Variants in TMTC1 observed in about 807,000 individuals in gnomAD.
TMTC1 encodes the protein transmembrane O-mannosyltransferase targeting cadherins 1.
Under a neutral mutation model 104.8 loss-of-function variants are expected in TMTC1, and 73 were observed. The ratio of observed to expected loss-of-function variants is 0.70; its 90% CI spans 0.58 to 0.85. TMTC1 has a LOEUF of 0.85. Ranked by LOEUF, TMTC1 falls within the 40% of genes least tolerant of loss-of-function variation. The pLI is 0.00. For missense variants in TMTC1, 1,035 were observed against 1,096.1 expected (o/e 0.94, Z 0.79); for synonymous variants, 434 against 428.7 (o/e 1.01, Z -0.15).
intron 8 of TMTC1, among the ~76,000 whole-genome samples, chr12:29,573,489 A>G (rs1158547415): frequency 6.6e-6 from 1 of 152,162 alleles, no homozygotes; most frequent in East Asian, 1.9e-4. Flanking sequence ...CCCAGCCCTC[A>G]GGGAGTTTAT....
chr12:29,677,511 C>T (rs1940770883), intron 5 of TMTC1, among the ~76,000 whole-genome samples: 1 of 152,216 alleles, frequency 6.6e-6, no homozygotes, highest in Non-Finnish European at 1.5e-5. Flanking sequence ...ACTATTCCAT[C>T]GTTATACCGC....
At chr12:29,562,101 C>A (rs148897) in intron 9 of TMTC1, among the ~76,000 whole-genome samples, 122,852 of 152,198 alleles carry the variant, frequency 0.81, 51,203 homozygotes, top group East Asian at 0.93. Context: ...AATTTAAGTC[C>A]TCATGTGACT....
chr12:29,560,914 A>C (rs1945361281), intron 9 of TMTC1, among the ~76,000 whole-genome samples: 1 of 152,178 alleles, frequency 6.6e-6, no homozygotes, highest in Non-Finnish European at 1.5e-5. Context: ...AAAGAAAATG[A>C]GTTCCAGAGG....
chr12:29,545,254 G>T (rs1466698894), intron 10 of TMTC1, among the ~76,000 whole-genome samples: 1 of 151,954 alleles, frequency 6.6e-6, no homozygotes, highest in Admixed American at 6.6e-5. Flanking sequence ...TTACTTCTCA[G>T]TTAAAAGACC....
intron 9 of TMTC1, among the ~76,000 whole-genome samples, chr12:29,562,642 T>C (rs947483240): frequency 6.6e-6 from 1 of 152,190 alleles, no homozygotes; most frequent in African/African-American, 2.4e-5. Flanking sequence ...TCAGAAGCCA[T>C]GAGAGGCATT....
At chr12:29,599,198 T>C (rs1946488600) in intron 7 of TMTC1, among the ~76,000 whole-genome samples, 1 of 152,128 alleles carries the variant, frequency 6.6e-6, no homozygotes, top group Non-Finnish European at 1.5e-5. Flanking sequence ...GTGGTTTTTA[T>C]AAAACACAAA....
chr12:29,700,134 A>C (rs1468055282), intron 5 of TMTC1, among the ~76,000 whole-genome samples: 2 of 151,812 alleles, frequency 1.3e-5, no homozygotes. Context: ...CTGCAACCTT[A>C]AACTCCTGCA....
rs555497240 is a variant in TMTC1, at chr12:29,678,431, T to C, written c.939-45095A>G. On this transcript the variant is annotated intron_variant, in intron 5 of 17. Transcript: ENST00000539277. ...AGGTCTGGCCCCTAAAATCTTCCCA[T>C]AACATTTAAACACCCAAACATTCTC... Among the ~76,000 whole-genome samples the C allele has an allele frequency of 3.9e-5, 6 of 152,228 alleles. No homozygotes were observed. The South Asian group carries it at 1.2e-3, about 32-fold the overall frequency.
chr12:29,528,126 A>G (rs1944400504), intron 11 of TMTC1, among the ~76,000 whole-genome samples: 1 of 152,190 alleles, frequency 6.6e-6, no homozygotes, highest in South Asian at 2.1e-4. Flanking sequence ...CTGGAAGGGT[A>G]ATGCATTTAT....
At chr12:29,556,597 C>T (rs1457497835) in intron 10 of TMTC1, among the ~76,000 whole-genome samples, 1 of 152,228 alleles carries the variant, frequency 6.6e-6, no homozygotes, top group Non-Finnish European at 1.5e-5. Flanking sequence ...CCATGTAACA[C>T]TTTTCCATTC....
At chr12:29,552,948 G>A (rs1945144552) in intron 10 of TMTC1, among the ~76,000 whole-genome samples, 1 of 152,170 alleles carries the variant, frequency 6.6e-6, no homozygotes, top group Admixed American at 6.5e-5. Context: ...GCTCAGAAAT[G>A]TATTAAGGTA....
chr12:29,556,710 A>G (rs1211550068), intron 10 of TMTC1, 147 bp downstream of exon 10: 3 of 829,652 alleles, frequency 3.6e-6, no homozygotes, highest in Non-Finnish European at 3.6e-6. Context: ...AGAAATTGAG[A>G]TGCATGTTAC....
At chr12:29,729,375 A>C (rs1192479136) in intron 5 of TMTC1, among the ~76,000 whole-genome samples, 3 of 151,948 alleles carry the variant, frequency 2.0e-5, no homozygotes, top group Non-Finnish European at 4.4e-5. Context: ...TCTCATCAGA[A>C]GGCCAGCCGT....
intron 6 of TMTC1, among the ~76,000 whole-genome samples, chr12:29,631,236 G>T (rs1565723095): frequency 6.6e-6 from 1 of 151,876 alleles, no homozygotes; most frequent in Non-Finnish European, 1.5e-5. Flanking sequence ...ATCTTTTGAT[G>T]AAAAAAATAT....
At chr12:29,591,667 G>A in intron 7 of TMTC1, among the ~76,000 whole-genome samples, 1 of 152,142 alleles carries the variant, frequency 6.6e-6, no homozygotes, top group East Asian at 1.9e-4. Flanking sequence ...TTTTGATTTT[G>A]CTGACACACT....
chr12:29,762,883 A>G (rs1474800946), intron 2 of TMTC1, among the ~76,000 whole-genome samples: 2 of 152,246 alleles, frequency 1.3e-5, no homozygotes, highest in Admixed American at 6.5e-5. Context: ...AGATCTGCTC[A>G]GACTACACTA....
chr12:29,556,790 G>A (rs1945255998), intron 10 of TMTC1, 67 bp downstream of exon 10: 1 of 1,595,204 alleles, frequency 6.3e-7, no homozygotes, highest in Admixed American at 1.7e-5. Flanking sequence ...AATCAAATGA[G>A]TGTTGAGAAG....
Position 29,604,295 on chromosome 12 carries a change from A to C in TMTC1, c.1133T>G (p.Leu378Arg). Residue 378 changes from leucine to arginine, a missense_variant, in exon 7 of 18, where the codon CTG (leucine) becomes CGG (arginine). Leu to Arg is a moderately radical substitution (Grantham distance 102, BLOSUM62 -2). Coordinates refer to ENST00000539277, the MANE Select transcript of TMTC1 (RefSeq NM_001193451.2). ...GCCGACTAAAACCTCCTTGTGCTCC[A>C]GTCTCTGAAACACACAATAGTGAAG... ...SLHCLAAFKR[L>R]EHKEVLVGLL... 6.2e-7 allele frequency: 1 copy of C among 1,614,002 alleles called. No homozygotes were observed.
chr12:29,529,028 G>A (rs1944426317), intron 11 of TMTC1, among the ~76,000 whole-genome samples: 1 of 152,070 alleles, frequency 6.6e-6, no homozygotes, highest in Non-Finnish European at 1.5e-5. Flanking sequence ...TCTGTTTTAT[G>A]TACATATATT....
Sources: gnomAD v4.1 joint callset for allele counts (sites outside exome capture counted in the v4.1 genomes callset) on GRCh38, gnomAD v4.1.1 for gene constraint, MANE v1.5 for transcripts, NCBI Gene and HGNC (gene_info 2026-07-23, HGNC 2026-07-21) for gene names.